MACROD2: variants seen among roughly 807,000 people sequenced by gnomAD.
MACROD2 encodes the protein mono-ADP ribosylhydrolase 2.
In MACROD2, 36 loss-of-function variants were observed where a neutral mutation model predicts 70.4. That is an observed-to-expected ratio of 0.51 (90% CI 0.39 to 0.68). The LOEUF (loss-of-function observed/expected upper bound fraction) is 0.68, where lower values mean the gene tolerates loss of function less well. MACROD2 is among the 30% of genes least tolerant of loss of function. The pLI is 0.00. For missense variants in MACROD2, 496 were observed against 538.4 expected (o/e 0.92, Z 0.78); for synonymous variants, 172 against 178.8 (o/e 0.96, Z 0.30).
chr20:15,508,478 G>T (rs2047456279), intron 8 of MACROD2, among the ~76,000 whole-genome samples: 1 of 152,132 alleles, frequency 6.6e-6, no homozygotes, highest in Admixed American at 6.6e-5. Flanking sequence ...CTCCTGATGT[G>T]TCCCATGGCA....
intron 6 of MACROD2, among the ~76,000 whole-genome samples, chr20:15,259,664 G>A (rs754834496): frequency 6.6e-6 from 1 of 152,046 alleles, no homozygotes; most frequent in Non-Finnish European, 1.5e-5. Flanking sequence ...TGAAGACAGA[G>A]ATGATTTTAA....
At chr20:15,420,412 C>T (rs531632949) in intron 6 of MACROD2, among the ~76,000 whole-genome samples, 6 of 152,266 alleles carry the variant, frequency 3.9e-5, no homozygotes, top group African/African-American at 1.2e-4. Flanking sequence ...TCAGTGAGTT[C>T]GCACACCACA....
At chr20:15,333,743 T>C (rs2078018605) in intron 6 of MACROD2, among the ~76,000 whole-genome samples, 1 of 151,586 alleles carries the variant, frequency 6.6e-6, no homozygotes, top group South Asian at 2.1e-4. Flanking sequence ...ATATGGAGTA[T>C]GACACGATGT....
chr20:15,714,774 G>A (rs1293170713), intron 8 of MACROD2, among the ~76,000 whole-genome samples: 1 of 151,960 alleles, frequency 6.6e-6, no homozygotes, highest in African/African-American at 2.4e-5. Flanking sequence ...TTACTAATAT[G>A]TGCCATATAC....
chr20:14,758,331 A>G (rs993963003), intron 5 of MACROD2, among the ~76,000 whole-genome samples: 2 of 152,092 alleles, frequency 1.3e-5, no homozygotes, highest in Non-Finnish European at 2.9e-5. Context: ...TTTATTCTGG[A>G]AAGCAGAAGT....
chr20:14,492,888 G>A (rs1010540428), intron 3 of MACROD2, among the ~76,000 whole-genome samples: 1 of 151,912 alleles, frequency 6.6e-6, no homozygotes, highest in Non-Finnish European at 1.5e-5. Context: ...TATTTTTTTA[G>A]CTCCTATAAA....
At chr20:14,464,565 G>A (rs1449558977) in intron 3 of MACROD2, among the ~76,000 whole-genome samples, 1 of 151,864 alleles carries the variant, frequency 6.6e-6, no homozygotes, top group Non-Finnish European at 1.5e-5. Flanking sequence ...GTTATTTCTT[G>A]CCTTCTGCTA....
At chr20:14,476,270 A>G (rs1248306070) in intron 3 of MACROD2, among the ~76,000 whole-genome samples, 1 of 152,228 alleles carries the variant, frequency 6.6e-6, no homozygotes, top group East Asian at 1.9e-4. Flanking sequence ...CCTGAATATT[A>G]TGCAACTGCA....
intron 3 of MACROD2, among the ~76,000 whole-genome samples, chr20:14,120,683 TTATA>T (rs376008913): frequency 6.8e-6 from 1 of 147,776 alleles, no homozygotes; most frequent in African/African-American, 2.5e-5. Flanking sequence ...ATCACATGTA[TTATA>T]TATATATATA....
chr20:14,529,993 G>C (rs1255117942), intron 4 of MACROD2, among the ~76,000 whole-genome samples: 1 of 152,196 alleles, frequency 6.6e-6, no homozygotes, highest in African/African-American at 2.4e-5. Flanking sequence ...TAGAGGCGGA[G>C]GGGAAGTGAT....
chr20:14,332,662 T>C (rs2082866240), intron 3 of MACROD2, among the ~76,000 whole-genome samples: 1 of 152,162 alleles, frequency 6.6e-6, no homozygotes, highest in South Asian at 2.1e-4. Flanking sequence ...CTGGGGACTT[T>C]TAAAAATATT....
chr20:15,847,690 C>CCAT (rs1389247737), intron 8 of MACROD2, among the ~76,000 whole-genome samples: 1 of 152,182 alleles, frequency 6.6e-6, no homozygotes, highest in Admixed American at 6.5e-5. Flanking sequence ...TTTCAGAAAG[C>CCAT]CATCATTCTA....
chr20:15,443,949 A>G (rs2046528890), intron 7 of MACROD2, among the ~76,000 whole-genome samples: 1 of 152,166 alleles, frequency 6.6e-6, no homozygotes, highest in Non-Finnish European at 1.5e-5. Flanking sequence ...ATAGAGCCTA[A>G]TCTTTTAGAT....
intron 5 of MACROD2, among the ~76,000 whole-genome samples, chr20:14,742,498 G>T (rs902249914): frequency 6.6e-6 from 1 of 151,896 alleles, no homozygotes; most frequent in East Asian, 1.9e-4. Flanking sequence ...GAAAGACAGA[G>T]AATAGTACTT....
chr20:15,753,278 C>T (rs2051299857), intron 8 of MACROD2, among the ~76,000 whole-genome samples: 1 of 152,174 alleles, frequency 6.6e-6, no homozygotes. Context: ...CCTTCCCCAC[C>T]CCCAGTAGTC....
chr20:15,753,683 A>G (rs2051305962), intron 8 of MACROD2, among the ~76,000 whole-genome samples: 1 of 152,188 alleles, frequency 6.6e-6, no homozygotes, highest in Non-Finnish European at 1.5e-5. Context: ...TTCTTTGAGA[A>G]ATCTCCAACC....
At chr20:15,038,336 T>G (rs1159105555) in intron 5 of MACROD2, among the ~76,000 whole-genome samples, 2 of 152,154 alleles carry the variant, frequency 1.3e-5, no homozygotes, top group Non-Finnish European at 2.9e-5. Context: ...GAATATGGAG[T>G]AAAATCTTAT....
chr20:15,639,502 A>G (rs1700292545), intron 8 of MACROD2, among the ~76,000 whole-genome samples: 1 of 152,168 alleles, frequency 6.6e-6, no homozygotes, highest in Non-Finnish European at 1.5e-5. Context: ...TCTGGCCCTG[A>G]TGGAGCCATT....
chr20:14,370,518 T>G (rs1048111186), intron 3 of MACROD2, among the ~76,000 whole-genome samples: 3 of 152,154 alleles, frequency 2.0e-5, no homozygotes, highest in Non-Finnish European at 4.4e-5. Context: ...TGAGAGGAAG[T>G]ATAGCATAGA....
Sources: allele counts gnomAD v4.1 joint callset (sites outside exome capture counted in the v4.1 genomes callset), GRCh38; gene constraint gnomAD v4.1.1; transcripts MANE v1.5; gene names NCBI Gene and HGNC (gene_info 2026-07-23, HGNC 2026-07-21).